The following ZGRF1 variants were observed in gnomAD, a reference collection of about 807,000 sequenced individuals.
The protein encoded by ZGRF1 is zinc finger GRF-type containing 1, also known as 5'-3' DNA helicase ZGRF1.
Under a neutral mutation model 203.5 loss-of-function variants are expected in ZGRF1, and 196 were observed. That is an observed-to-expected ratio of 0.96 (90% CI 0.86 to 1.08). The LOEUF (loss-of-function observed/expected upper bound fraction) is 1.08, where lower values mean the gene tolerates loss of function less well. Among genes scored for constraint, ZGRF1 ranks in the 50% least tolerant of loss-of-function variants. The probability of loss-of-function intolerance (pLI) is 0.00; values close to 1 mark genes in which losing one functional copy is unlikely to be tolerated. For missense variants in ZGRF1, 2,326 were observed against 2,416.3 expected, an observed-to-expected ratio of 0.96 and a Z score of 0.78; for synonymous variants, 809 against 841.3, an observed-to-expected ratio of 0.96 and a Z score of 0.66.
chr4:112,574,330 A>G (rs1003984674), intron 16 of ZGRF1, among the ~76,000 whole-genome samples: 4 of 152,236 alleles, frequency 2.6e-5, no homozygotes, highest in African/African-American at 9.6e-5. Context: ...TTGTAGCAAC[A>G]TACTAACCAA....
At chr4:112,587,026 A>T (rs914442592) in intron 12 of ZGRF1, among the ~76,000 whole-genome samples, 1 of 152,316 alleles carries the variant, frequency 6.6e-6, no homozygotes, top group South Asian at 2.1e-4. Flanking sequence ...CAAAAGTAGG[A>T]GCTATCACTT....
chr4:112,550,792 G>C (rs1180185345), intron 22 of ZGRF1, among the ~76,000 whole-genome samples: 1 of 152,164 alleles, frequency 6.6e-6, no homozygotes, highest in Non-Finnish European at 1.5e-5. Flanking sequence ...AGCAGAGGTT[G>C]CAGTGAGCTG....
At chr4:112,559,050 C>T (rs1003890663) in intron 19 of ZGRF1, among the ~76,000 whole-genome samples, 1 of 152,192 alleles carries the variant, frequency 6.6e-6, no homozygotes, top group African/African-American at 2.4e-5. Context: ...TTCTATATAA[C>T]CTCTACCAAA....
chr4:112,562,240 A>G, intron 18 of ZGRF1, 131 bp downstream of exon 18: 1 of 617,648 alleles, frequency 1.6e-6, no homozygotes, highest in Non-Finnish European at 2.9e-6. Context: ...GACAGAGAAT[A>G]ATGTCATAGT....
intron 22 of ZGRF1, among the ~76,000 whole-genome samples, chr4:112,549,209 C>T (rs1299165797): frequency 6.6e-6 from 1 of 151,888 alleles, no homozygotes; most frequent in Non-Finnish European, 1.5e-5. Flanking sequence ...TTGTAAGTTA[C>T]ACATTATAGC....
At chr4:112,540,768 T>G (rs1420163482) in intron 26 of ZGRF1, 53 bp downstream of exon 26, 2 of 1,393,800 alleles carry the variant, frequency 1.4e-6, no homozygotes, top group East Asian at 5.0e-5. Context: ...AATATGGTAA[T>G]ATGTAATTGT....
intron 7 of ZGRF1, 147 bp downstream of exon 7, chr4:112,612,377 G>A (rs910024514): frequency 3.1e-5 from 17 of 544,320 alleles, no homozygotes; most frequent in Non-Finnish European, 5.6e-5. Context: ...ATTTCTTTTG[G>A]CTGAGGAAGG....
At chr4:112,591,964 G>A (rs1748235981) in intron 10 of ZGRF1, among the ~76,000 whole-genome samples, 1 of 152,048 alleles carries the variant, frequency 6.6e-6, no homozygotes, top group East Asian at 1.9e-4. Flanking sequence ...CCTATCTCTA[G>A]ACCAAGAACA....
In ZGRF1 at chr4:112,580,044, A is replaced by AACCAAAACAGCATGGTACTGGT. The variant is rs1403398919; in HGVS notation, c.4438+1597_4438+1618dup. 4.9e-4 allele frequency among the ~76,000 whole-genome samples: 60 copies of AACCAAAACAGCATGGTACTGGT among 123,320 alleles called. 3 individuals are homozygous for AACCAAAACAGCATGGTACTGGT. The highest frequency in any genetic ancestry group is 1.3e-3 in the Admixed American group (14 of 10,854). The allele number at this position is 123,320 out of a possible 152,430, so 80.9% of individuals were successfully genotyped here. A position where few individuals can be genotyped will look rare whatever the true frequency, so the allele number is the denominator to read the frequency against. On this transcript the variant is annotated intron_variant, in intron 16 of 27. Coordinates refer to ENST00000505019, the MANE Select transcript of ZGRF1 (RefSeq NM_018392.5). The stretch of plus-strand genomic sequence containing the variant: ...ACTATACTACAAACTATACTACAGT[A>AACCAAAACAGCATGGTACTGGT]ACCAAAACAGCATGGTACTGGTACC...
At chr4:112,606,183 G>GT in intron 8 of ZGRF1, 92 bp from the exon 9 acceptor site, 2 of 830,072 alleles carry the variant, frequency 2.4e-6, no homozygotes, top group Non-Finnish European at 1.9e-6. Flanking sequence ...CAAAACTTAA[G>GT]TTTGCCCTGT....
At chr4:112,583,527 C>T (rs896011854) in intron 15 of ZGRF1, among the ~76,000 whole-genome samples, 2 of 152,114 alleles carry the variant, frequency 1.3e-5, no homozygotes, top group Admixed American at 6.5e-5. Flanking sequence ...ATTCCCTGGC[C>T]GAGCATGATA....
At chr4:112,584,479 A>G (rs1295486636) in intron 14 of ZGRF1, among the ~76,000 whole-genome samples, 2 of 152,230 alleles carry the variant, frequency 1.3e-5, no homozygotes, top group African/African-American at 4.8e-5. Flanking sequence ...TGAATATCTT[A>G]TCCATTTATT....
chr4:112,547,508 T>C, intron 23 of ZGRF1, 100 bp from the exon 24 acceptor site: 1 of 1,061,842 alleles, frequency 9.4e-7, no homozygotes, highest in Non-Finnish European at 1.4e-6. Context: ...AATATTCAAA[T>C]GCCATGAAGT....
At chr4:112,616,712 C>T (rs1321994001) in intron 6 of ZGRF1, among the ~76,000 whole-genome samples, 2 of 151,072 alleles carry the variant, frequency 1.3e-5, no homozygotes, top group African/African-American at 4.9e-5. Context: ...TCGTGGGTGC[C>T]TGTAATTCCA....
At chr4:112,573,702 A>C (rs141319534) in intron 16 of ZGRF1, among the ~76,000 whole-genome samples, 75 of 152,296 alleles carry the variant, frequency 4.9e-4, no homozygotes, top group Admixed American at 2.1e-3. Flanking sequence ...TTACTAATAA[A>C]TATGACTATT....
intron 3 of ZGRF1, among the ~76,000 whole-genome samples, chr4:112,624,892 G>A (rs1396304674): frequency 2.0e-5 from 3 of 152,040 alleles, no homozygotes; most frequent in African/African-American, 7.2e-5. Flanking sequence ...ACAAAAACTT[G>A]CACATTAATG....
chr4:112,595,875 A>G (rs1328902987), intron 10 of ZGRF1, among the ~76,000 whole-genome samples: 3 of 152,214 alleles, frequency 2.0e-5, no homozygotes, highest in African/African-American at 7.2e-5. Flanking sequence ...GCTGTATAAC[A>G]AACTGGTGCT....
chr4:112,628,613 T>C, intron 3 of ZGRF1: 1 of 456,190 alleles, frequency 2.2e-6, no homozygotes, highest in Non-Finnish European at 4.4e-6. Context: ...GTGAGATAAT[T>C]AACTTGCCTG....
At chr4:112,575,037 A>C (rs1744891545) in intron 16 of ZGRF1, among the ~76,000 whole-genome samples, 1 of 151,940 alleles carries the variant, frequency 6.6e-6, no homozygotes, top group African/African-American at 2.4e-5. Context: ...GGAAAAAAAA[A>C]AACAAGCAAA....
Sources: gnomAD v4.1 joint callset for allele counts (sites outside exome capture counted in the v4.1 genomes callset) on GRCh38, gnomAD v4.1.1 for gene constraint, MANE v1.5 for transcripts, NCBI Gene and HGNC (gene_info 2026-07-23, HGNC 2026-07-21) for gene names.